The following DEUP1 variants were observed in gnomAD, a reference collection of about 807,000 sequenced individuals.
DEUP1 encodes deuterosome assembly protein 1, also known as coiled-coil domain containing 67.
A neutral mutation model predicts 87.4 loss-of-function variants in DEUP1; 82 were observed. The ratio of observed to expected loss-of-function variants is 0.94; its 90% confidence interval spans 0.78 to 1.13. The LOEUF (loss-of-function observed/expected upper bound fraction) is 1.13, where lower values mean the gene tolerates loss of function less well. Ranked by LOEUF, DEUP1 falls within the 50% of genes most tolerant of loss-of-function variation. The probability of loss-of-function intolerance (pLI) is 0.00; values close to 1 mark genes in which losing one functional copy is unlikely to be tolerated. For synonymous variants in DEUP1, 214 were observed against 222.7 expected, an observed-to-expected ratio of 0.96 and a Z score of 0.35; for missense variants, 663 against 681.5, an observed-to-expected ratio of 0.97 and a Z score of 0.30.
chr11:93,432,569 C>A (rs1393380274), intron 13 of DEUP1, among the ~76,000 whole-genome samples: 1 of 152,168 alleles, frequency 6.6e-6, no homozygotes, highest in African/African-American at 2.4e-5. Flanking sequence ...GTAGGCAAGA[C>A]CCGGGCAGAT....
intron 2 of DEUP1, among the ~76,000 whole-genome samples, chr11:93,348,945 GAGATAT>G (rs1366856811): frequency 2.0e-5 from 3 of 152,138 alleles, no homozygotes; most frequent in Non-Finnish European, 4.4e-5. Context: ...GCAAAGCTGG[GAGATAT>G]AGATATAGAT....
At chr11:93,334,136 T>A (rs1290729324) in intron 2 of DEUP1, among the ~76,000 whole-genome samples, 2 of 152,280 alleles carry the variant, frequency 1.3e-5, no homozygotes, top group East Asian at 1.9e-4. Context: ...ACAGTAGACA[T>A]GGGTCCACAC....
intron 9 of DEUP1, among the ~76,000 whole-genome samples, chr11:93,391,540 T>C (rs1030712066): frequency 8.6e-5 from 13 of 151,784 alleles, no homozygotes; most frequent in Non-Finnish European, 1.3e-4. Context: ...AAACCCTGTC[T>C]CTACTAAAAA....
chr11:93,427,997 G>T (rs1947980670), intron 13 of DEUP1, among the ~76,000 whole-genome samples: 1 of 151,536 alleles, frequency 6.6e-6, no homozygotes. Flanking sequence ...AGGATGTGGA[G>T]AAATAGGAAC....
intron 13 of DEUP1, among the ~76,000 whole-genome samples, chr11:93,434,650 G>A (rs1276458850): frequency 6.6e-6 from 1 of 152,152 alleles, no homozygotes; most frequent in Non-Finnish European, 1.5e-5. Flanking sequence ...AGGTCTCTTG[G>A]TAGAAGCATT....
intron 4 of DEUP1, 57 bp downstream of exon 4, chr11:93,357,100 G>T (rs748630425): frequency 1.9e-6 from 2 of 1,034,552 alleles, no homozygotes; most frequent in African/African-American, 1.6e-5. Flanking sequence ...TTTTTTACCT[G>T]TAGAGTTGTG....
intron 7 of DEUP1, among the ~76,000 whole-genome samples, chr11:93,379,331 C>A (rs1169457423): frequency 1.3e-5 from 2 of 152,148 alleles, no homozygotes; most frequent in Non-Finnish European, 2.9e-5. Context: ...TTGATCAACT[C>A]CACCTTTCTC....
At chr11:93,337,146 A>C (rs922612912) in intron 2 of DEUP1, among the ~76,000 whole-genome samples, 1 of 152,230 alleles carries the variant, frequency 6.6e-6, no homozygotes, top group Non-Finnish European at 1.5e-5. Flanking sequence ...GAACCAAGGT[A>C]GATGAATATT....
intron 9 of DEUP1, among the ~76,000 whole-genome samples, chr11:93,392,947 TCC>T (rs1565330574): frequency 6.7e-6 from 1 of 148,850 alleles, no homozygotes; most frequent in East Asian, 2.0e-4. Context: ...CTCCTCCTCC[TCC>T]CTCCTCTTCC....
rs1253792655 is a variant in DEUP1 at position 93,394,681 on chromosome 11, T to A, written c.1239+25T>A. The A allele has an allele frequency of 1.9e-6, 3 of 1,542,068 alleles. No individual in the cohort carries two copies. The South Asian group carries it at 3.5e-5, about 18-fold the overall frequency. On this transcript the variant is annotated intron_variant, in intron 10 of 13. Transcript: ENST00000298050. ...GGTATGCAAGCAGGCAGAATAGCAC[T>A]TGTCTAGGGCACATTCTTGCTCAGT...
Position 93,336,278 on chromosome 11 carries a change from A to G in DEUP1, c.29+3990A>G, listed in dbSNP as rs554273266. Among the ~76,000 whole-genome samples, 3 of 152,128 alleles carry G rather than the reference A, an allele frequency of 2.0e-5. No homozygotes were observed. In the South Asian group the frequency reaches 6.2e-4, roughly 32 times the overall value. ...AAGGGGGGAGTTGCATCTCCTGAGA[A>G]CTCACTATCACAAGAACAACAAGGG... On this transcript the variant is annotated intron_variant, in intron 2 of 13. Coordinates refer to ENST00000298050, the MANE Select transcript of DEUP1 (RefSeq NM_181645.4).
chr11:93,413,888 C>A (rs2605580), intron 12 of DEUP1, among the ~76,000 whole-genome samples: 1 of 152,010 alleles, frequency 6.6e-6, no homozygotes, highest in Non-Finnish European at 1.5e-5. Context: ...AATAATTAGA[C>A]GAATAATTGA....
chr11:93,362,399 A>T (rs1413698283), intron 4 of DEUP1, among the ~76,000 whole-genome samples: 2 of 151,970 alleles, frequency 1.3e-5, no homozygotes, highest in Non-Finnish European at 2.9e-5. Flanking sequence ...AAATGGATAA[A>T]TATTTGAATA....
chr11:93,408,110 T>G, intron 11 of DEUP1, 121 bp from the exon 12 acceptor site: 1 of 673,850 alleles, frequency 1.5e-6, no homozygotes, highest in Non-Finnish European at 2.4e-6. Context: ...TGAGCAAGAG[T>G]ACAGCCACAT....
At chr11:93,351,133 G>A (rs1944609142) in intron 2 of DEUP1, among the ~76,000 whole-genome samples, 1 of 151,322 alleles carries the variant, frequency 6.6e-6, no homozygotes, top group Admixed American at 6.6e-5. Flanking sequence ...AACACTGGAT[G>A]GGTAGTTGGG....
At chr11:93,427,717 A>G (rs1215264335) in intron 13 of DEUP1, among the ~76,000 whole-genome samples, 1 of 151,274 alleles carries the variant, frequency 6.6e-6, no homozygotes, top group Non-Finnish European at 1.5e-5. Context: ...ACTTTTCACA[A>G]CCTACTCATC....
At position 93,340,838 on chromosome 11, in the gene DEUP1, A is replaced by G. The variant is rs76338518; in HGVS notation, c.29+8550A>G. Among the ~76,000 whole-genome samples, 802 of 152,302 alleles carry G rather than the reference A, an allele frequency of 5.3e-3. 3 individuals carry two copies. Among genetic ancestry groups the G allele is most frequent in the African/African-American group, 0.018 (757 of 41,578 alleles). On this transcript the variant is annotated intron_variant, in intron 2 of 13. Coordinates refer to ENST00000298050, the MANE Select transcript of DEUP1 (RefSeq NM_181645.4). ...TTATTAAATAAGGAAGACTGGAGAA[A>G]ATGCAAGCTTGGTTTGAGATGCCTG...
chr11:93,428,157 G>A (rs960495944), intron 13 of DEUP1, among the ~76,000 whole-genome samples: 2 of 152,040 alleles, frequency 1.3e-5, no homozygotes, highest in African/African-American at 2.4e-5. Flanking sequence ...TATGTTTATT[G>A]CGGCACTATT....
At chr11:93,395,933 G>A (rs1197444809) in intron 10 of DEUP1, among the ~76,000 whole-genome samples, 6 of 152,090 alleles carry the variant, frequency 3.9e-5, no homozygotes, top group African/African-American at 1.4e-4. Context: ...TGCTTTTTCT[G>A]GTGACAATTT....
Sources: gnomAD v4.1 joint callset for allele counts (sites outside exome capture counted in the v4.1 genomes callset) on GRCh38, gnomAD v4.1.1 for gene constraint, MANE v1.5 for transcripts, NCBI Gene and HGNC (gene_info 2026-07-23, HGNC 2026-07-21) for gene names.